The following TMPO variants were observed in gnomAD, a reference collection of about 807,000 sequenced individuals.
The protein encoded by TMPO is thymopoietin, also known as LEM domain containing 4.
Under a neutral mutation model 45.4 loss-of-function variants are expected in TMPO, and 22 were observed. The ratio of observed to expected loss-of-function variants is 0.48; its 90% CI spans 0.35 to 0.69. The LOEUF (loss-of-function observed/expected upper bound fraction) is 0.69, where lower values mean the gene tolerates loss of function less well. Among genes scored for constraint, TMPO ranks in the 30% least tolerant of loss-of-function variants. The pLI is 0.01. For synonymous variants in TMPO, 241 were observed against 204.1 expected (o/e 1.18, Z -1.54); for missense variants, 512 against 548.8 (o/e 0.93, Z 0.67).
chr12:98,528,157 TG>T (rs1394803325), intron 2 of TMPO, 145 bp downstream of exon 2: 21 of 840,426 alleles, frequency 2.5e-5, no homozygotes, highest in Non-Finnish European at 1.5e-5. Context: ...TTTCTTTGAC[TG>T]TAAATGAGTG....
At chr12:98,527,072 AAGTT>A (rs1395689493) in intron 1 of TMPO, among the ~76,000 whole-genome samples, 2 of 152,186 alleles carry the variant, frequency 1.3e-5, no homozygotes, top group African/African-American at 4.8e-5. Context: ...GATTATCAAA[AAGTT>A]AGTAAGTAGC....
rs1233664962 is a variant in TMPO, at chr12:98,516,165, G to A, written c.279+19G>A. The A allele has an allele frequency of 1.5e-6, 2 of 1,349,852 alleles. No homozygotes were observed. Among genetic ancestry groups the A allele is most frequent in the East Asian group, 3.0e-5 (1 of 32,978 alleles). The allele number at this position is 1,349,852 out of a possible 1,614,324, so 83.6% of individuals were successfully genotyped here. A position where few individuals can be genotyped will look rare whatever the true frequency, so the allele number is the denominator to read the frequency against. Reference sequence around the variant, plus strand: ...CGGCAGGGTAAGGACGCGGGGCCGGGGCTACAAAGGCGGGCGTTTGGCGGT... The same window carrying A: ...CGGCAGGGTAAGGACGCGGGGCCGGAGCTACAAAGGCGGGCGTTTGGCGGT... On this transcript the variant is annotated intron_variant, in intron 1 of 8. Transcript: ENST00000556029.
Position 98,544,352 on chromosome 12 carries a change from G to A in TMPO, c.783+3G>A. 2.5e-6 allele frequency: 4 copies of A among 1,613,960 alleles called. No homozygotes were observed. Among genetic ancestry groups the A allele is most frequent in the Non-Finnish European group, 3.4e-6 (4 of 1,179,896 alleles). On this transcript the variant is annotated splice_donor_region_variant and intron_variant, in intron 5 of 8. Coordinates refer to ENST00000556029, the MANE Select transcript of TMPO (RefSeq NM_001032283.3). ...CAAGAAGAACTCCAAGGAAAAGGGTGATGCAAGGCTTATTCCTTGGGTTTT... is the reference window on the plus strand; with the variant it reads ...CAAGAAGAACTCCAAGGAAAAGGGTAATGCAAGGCTTATTCCTTGGGTTTT...
intron 1 of TMPO, among the ~76,000 whole-genome samples, chr12:98,522,022 G>A (rs985069460): frequency 6.6e-6 from 1 of 151,928 alleles, no homozygotes; most frequent in Admixed American, 6.6e-5. Flanking sequence ...GAGCCACCAC[G>A]CCTGTCTGTG....
At chr12:98,535,759 G>A (rs571677183) in intron 3 of TMPO, 1 of 687,710 alleles carries the variant, frequency 1.5e-6, no homozygotes, top group Non-Finnish European at 1.8e-6. Flanking sequence ...CATTTCAGTG[G>A]TATAATTGAA....
At chr12:98,533,003 G>A in intron 3 of TMPO, 6 of 1,614,024 alleles carry the variant, frequency 3.7e-6, no homozygotes, top group Non-Finnish European at 5.1e-6. Context: ...ACTTCTAAGG[G>A]AGACCTACCT....
chr12:98,537,651 G>A (rs749306118), intron 4 of TMPO, 79 bp downstream of exon 4: 4 of 1,060,050 alleles, frequency 3.8e-6, no homozygotes, highest in Admixed American at 3.9e-5. Context: ...AGCCTTTAAT[G>A]GTTGACACCC....
At chr12:98,537,445 G>A in intron 3 of TMPO, 30 bp from the exon 4 acceptor site, 1 of 1,523,438 alleles carries the variant, frequency 6.6e-7, no homozygotes, top group Non-Finnish European at 9.1e-7. Flanking sequence ...GTGTTTCAGA[G>A]AGTAATGGTT....
At chr12:98,541,470 C>A (rs1408480084) in intron 4 of TMPO, among the ~76,000 whole-genome samples, 1 of 152,174 alleles carries the variant, frequency 6.6e-6, no homozygotes, top group Non-Finnish European at 1.5e-5. Context: ...GTAAGTATCA[C>A]AACATATATG....
intron 1 of TMPO, among the ~76,000 whole-genome samples, chr12:98,526,266 G>A (rs1876753592): frequency 6.6e-6 from 1 of 152,106 alleles, no homozygotes; most frequent in South Asian, 2.1e-4. Flanking sequence ...TCATAAACTA[G>A]CTACTAAAAT....
chr12:98,525,754 AAAG>A (rs977097428), intron 1 of TMPO, among the ~76,000 whole-genome samples: 2 of 151,972 alleles, frequency 1.3e-5, no homozygotes, highest in African/African-American at 4.8e-5. Flanking sequence ...AAAAAAAAAA[AAAG>A]ATTTGATTTG....
chr12:98,526,273 A>C (rs1876753952), intron 1 of TMPO, among the ~76,000 whole-genome samples: 1 of 152,138 alleles, frequency 6.6e-6, no homozygotes, highest in African/African-American at 2.4e-5. Flanking sequence ...CTAGCTACTA[A>C]AATAACTGTG....
chr12:98,538,968 A>G lies in TMPO; in HGVS notation c.663+1396A>G, dbSNP rs1243450945. ...GTAATCCCAGCACTTTGGGAGGCCG[A>G]GGCGGGCGGATCACCTGAGGTCCGG... is the stretch of plus-strand genomic sequence containing the variant. On this transcript the variant is annotated intron_variant, in intron 4 of 8. Coordinates refer to ENST00000556029, the MANE Select transcript of TMPO (RefSeq NM_001032283.3). Among the ~76,000 whole-genome samples, 3 of 152,028 alleles carry G rather than the reference A, an allele frequency of 2.0e-5. No individual in the cohort carries two copies. In the East Asian group the frequency reaches 5.9e-4, roughly 30 times the overall value.
At chr12:98,524,106 T>C (rs1876583747) in intron 1 of TMPO, among the ~76,000 whole-genome samples, 1 of 152,234 alleles carries the variant, frequency 6.6e-6, no homozygotes, top group Non-Finnish European at 1.5e-5. Flanking sequence ...TCAGTCTTTT[T>C]AGAAATGTTT....
At chr12:98,537,717 A>C (rs768291490) in intron 4 of TMPO, 145 bp downstream of exon 4, 51 of 772,810 alleles carry the variant, frequency 6.6e-5, no homozygotes, top group African/African-American at 1.2e-4. Context: ...CTAAAAATCT[A>C]AACTTTGTGG....
chr12:98,520,251 C>T (rs543132049), intron 1 of TMPO, among the ~76,000 whole-genome samples: 18 of 130,230 alleles, frequency 1.4e-4, no homozygotes, highest in African/African-American at 4.1e-4. Flanking sequence ...TGAGCCACCG[C>T]GCCCGGCCAA....
At chr12:98,542,416 CTGATT>C (rs1436670413) in intron 4 of TMPO, among the ~76,000 whole-genome samples, 1 of 144,450 alleles carries the variant, frequency 6.9e-6, no homozygotes, top group Non-Finnish European at 1.5e-5. Context: ...TGGAGAGATT[CTGATT>C]TAATTGGTTA....
chr12:98,542,918 T>G (rs188810542), intron 4 of TMPO, among the ~76,000 whole-genome samples: 3 of 152,368 alleles, frequency 2.0e-5, no homozygotes, highest in African/African-American at 7.2e-5. Context: ...GTAATTTGTT[T>G]ACAAGTTTCT....
intron 4 of TMPO, among the ~76,000 whole-genome samples, chr12:98,541,034 GTCA>G (rs150514414): frequency 0.052 from 7,840 of 152,144 alleles, 446 homozygotes; most frequent in African/African-American, 0.15. Context: ...ATCAGTTACA[GTCA>G]TCATTCTTTT....
Sources: gnomAD v4.1 joint callset for allele counts (sites outside exome capture counted in the v4.1 genomes callset) on GRCh38, gnomAD v4.1.1 for gene constraint, MANE v1.5 for transcripts, NCBI Gene and HGNC (gene_info 2026-07-23, HGNC 2026-07-21) for gene names.